The following GYS2 variants were observed in gnomAD, a reference collection of about 807,000 sequenced individuals.
The protein encoded by GYS2 is glycogen synthase 2.
In GYS2, 80 loss-of-function variants were observed where a neutral mutation model predicts 85.6. That is an observed-to-expected ratio of 0.93 (90% CI 0.78 to 1.13). GYS2 has a LOEUF of 1.13. Among genes scored for constraint, GYS2 ranks in the 50% most tolerant of loss-of-function variants. The pLI, the probability that GYS2 is intolerant of heterozygous loss-of-function variation, is 0.00. For synonymous variants in GYS2, 328 were observed against 300.7 expected, an observed-to-expected ratio of 1.09 and a Z score of -0.94; for missense variants, 881 against 854.9, an observed-to-expected ratio of 1.03 and a Z score of -0.38.
chr12:21,588,836 T>G (rs974731486), intron 1 of GYS2, among the ~76,000 whole-genome samples: 1 of 152,230 alleles, frequency 6.6e-6, no homozygotes, highest in Non-Finnish European at 1.5e-5. Context: ...CCATCAAAAT[T>G]ATTTGTTGAG....
intron 15 of GYS2, 94 bp from the exon 16 acceptor site, chr12:21,537,269 G>T: frequency 1.2e-6 from 1 of 861,016 alleles, no homozygotes; most frequent in Non-Finnish European, 1.9e-6. Context: ...TTTTTAAGTA[G>T]TTATCTATCT....
Position 21,604,732 on chromosome 12 carries a change from A to G in GYS2, c.-140T>C, listed in dbSNP as rs995735887. ...TAGCTTCTCTTGGGAATAAACTAGT[A>G]GCATGAAATCTTATGTGCTTCCCAC... On this transcript the variant is annotated 5_prime_UTR_variant, in exon 1 of 16. Transcript: ENST00000261195. 8.7e-6 allele frequency: 13 copies of G among 1,500,212 alleles called. No individual in the cohort carries two copies. Among genetic ancestry groups the G allele is most frequent in the Non-Finnish European group, 1.2e-5 (13 of 1,119,904 alleles). The allele number at this position is 1,500,212 out of a possible 1,614,324, so 92.9% of individuals were successfully genotyped here.
At chr12:21,602,218 G>A (rs2136939783) in intron 1 of GYS2, among the ~76,000 whole-genome samples, 1 of 151,962 alleles carries the variant, frequency 6.6e-6, no homozygotes, top group East Asian at 1.9e-4. Flanking sequence ...TTCATCTATA[G>A]GACATTTCCT....
At chr12:21,565,399 A>ATATATT (rs1944306505) in intron 5 of GYS2, among the ~76,000 whole-genome samples, 1 of 49,644 alleles carries the variant, frequency 2.0e-5, no homozygotes, top group South Asian at 7.2e-4. Context: ...AAATATATAT[A>ATATATT]TATATATATA....
At chr12:21,560,551 G>A in intron 7 of GYS2, 59 bp from the exon 8 acceptor site, 4 of 832,922 alleles carry the variant, frequency 4.8e-6, no homozygotes, top group Non-Finnish European at 8.5e-6. Context: ...AAGTATGATA[G>A]ATGGAACTTA....
chr12:21,540,275 A>G (rs185998519), intron 14 of GYS2, 135 bp downstream of exon 14: 1 of 838,956 alleles, frequency 1.2e-6, no homozygotes, highest in African/African-American at 1.7e-5. Flanking sequence ...TTAAATTTTA[A>G]AAAGTACATG....
At chr12:21,557,646 T>G (rs1246864384) in intron 11 of GYS2, among the ~76,000 whole-genome samples, 1 of 152,196 alleles carries the variant, frequency 6.6e-6, no homozygotes, top group Admixed American at 6.5e-5. Flanking sequence ...ACGCCTGTAA[T>G]CCCAGCACTT....
intron 11 of GYS2, among the ~76,000 whole-genome samples, chr12:21,552,051 A>G (rs1944117647): frequency 6.6e-6 from 1 of 152,200 alleles, no homozygotes; most frequent in Non-Finnish European, 1.5e-5. Context: ...GCAGAAGCCC[A>G]GGGATGAGGA....
intron 1 of GYS2, among the ~76,000 whole-genome samples, chr12:21,589,170 G>A (rs1944606898): frequency 6.6e-6 from 1 of 152,116 alleles, no homozygotes; most frequent in Non-Finnish European, 1.5e-5. Flanking sequence ...TTGTTTGTTA[G>A]ATTACGTATT....
intron 11 of GYS2, among the ~76,000 whole-genome samples, chr12:21,557,766 G>A (rs1347854583): frequency 6.6e-6 from 1 of 152,126 alleles, no homozygotes; most frequent in Non-Finnish European, 1.5e-5. Flanking sequence ...GGGCATGGTT[G>A]CGGGCGCCTG....
chr12:21,543,100 G>C (rs1388035817), intron 12 of GYS2, among the ~76,000 whole-genome samples: 1 of 152,136 alleles, frequency 6.6e-6, no homozygotes, highest in African/African-American at 2.4e-5. Flanking sequence ...CTCAATAAAT[G>C]GATGATCTCT....
At chr12:21,555,262 C>T (rs1407079353) in intron 11 of GYS2, among the ~76,000 whole-genome samples, 1 of 152,030 alleles carries the variant, frequency 6.6e-6, no homozygotes, top group Non-Finnish European at 1.5e-5. Context: ...AAGTATAAGT[C>T]TCTGTGGATA....
Position 21,536,635 on chromosome 12 carries a change from A to G in GYS2, c.*319T>C, listed in dbSNP as rs1031232967. 16 of 366,256 alleles carry G rather than the reference A, an allele frequency of 4.4e-5. No individual in the cohort carries two copies. Among genetic ancestry groups the G allele is most frequent in the Non-Finnish European group, 8.2e-5 (16 of 196,066 alleles). The allele number at this position is 366,256 out of a possible 1,614,324, so 22.7% of individuals were successfully genotyped here. On this transcript the variant is annotated 3_prime_UTR_variant, in exon 16 of 16. Coordinates refer to ENST00000261195, the MANE Select transcript of GYS2 (RefSeq NM_021957.4). Reference sequence around the variant, plus strand: ...TAGTAAGCAAAGGATTATGATGATCATTTAAAAATAAACAGAGTAAGAGAA... The same window carrying G: ...TAGTAAGCAAAGGATTATGATGATCGTTTAAAAATAAACAGAGTAAGAGAA...
At chr12:21,571,762 G>A (rs1431361922) in intron 4 of GYS2, among the ~76,000 whole-genome samples, 7 of 151,930 alleles carry the variant, frequency 4.6e-5, no homozygotes, top group African/African-American at 1.5e-4. Context: ...GGAGATCGAG[G>A]CGATCCTGGC....
At chr12:21,581,856 T>C (rs1003315192) in intron 1 of GYS2, among the ~76,000 whole-genome samples, 10 of 152,152 alleles carry the variant, frequency 6.6e-5, no homozygotes, top group African/African-American at 2.4e-4. Flanking sequence ...AATTAGCTCA[T>C]GTGTCAAATG....
At position 21,580,341 on chromosome 12, in the gene GYS2, C is replaced by G; in HGVS notation, c.303+1G>C. 1 of 1,612,528 alleles carries G rather than the reference C, an allele frequency of 6.2e-7. No homozygotes were observed. On this transcript the variant is annotated splice_donor_variant, in intron 2 of 15. Transcript: ENST00000261195. LOFTEE classifies it high-confidence loss of function. Reference sequence around the variant, plus strand: ...GCCAAGTGAAGTGTCAGTTCCTTTACCTGGCAGCCATGCTTATTCATTGCG... The same window carrying G: ...GCCAAGTGAAGTGTCAGTTCCTTTAGCTGGCAGCCATGCTTATTCATTGCG...
intron 1 of GYS2, among the ~76,000 whole-genome samples, chr12:21,582,886 T>C (rs1314598860): frequency 6.6e-6 from 1 of 152,196 alleles, no homozygotes; most frequent in African/African-American, 2.4e-5. Flanking sequence ...TTGACACTCT[T>C]GATTCAACGC....
At chr12:21,556,454 A>G (rs1368641759) in intron 11 of GYS2, among the ~76,000 whole-genome samples, 1 of 152,190 alleles carries the variant, frequency 6.6e-6, no homozygotes, top group Non-Finnish European at 1.5e-5. Context: ...TATAGGTGTG[A>G]AGCACCGCAC....
downstream of GYS2, chr12:21,532,998 T>C (rs569097292): frequency 6.6e-6 from 1 of 152,352 alleles, no homozygotes; most frequent in South Asian, 2.1e-4. Context: ...TGTTTATTTC[T>C]AGATTTTTAA....
Sources: allele counts gnomAD v4.1 joint callset (sites outside exome capture counted in the v4.1 genomes callset), GRCh38; gene constraint gnomAD v4.1.1; transcripts MANE v1.5; gene names NCBI Gene and HGNC (gene_info 2026-07-23, HGNC 2026-07-21).